SPATA13: variants seen among roughly 807,000 people sequenced by gnomAD.
The protein encoded by SPATA13 is spermatogenesis-associated protein 13.
In SPATA13, 50 loss-of-function variants were observed where a neutral mutation model predicts 104.0. That is an observed-to-expected ratio of 0.48 (90% CI 0.38 to 0.61). The LOEUF (loss-of-function observed/expected upper bound fraction) is 0.61, where lower values mean the gene tolerates loss of function less well. Among genes scored for constraint, SPATA13 ranks in the 20% least tolerant of loss-of-function variants. The pLI, the probability that SPATA13 is intolerant of heterozygous loss-of-function variation, is 0.00. For synonymous variants in SPATA13, 606 were observed against 667.5 expected (o/e 0.91, Z 1.42); for missense variants, 1,524 against 1,690.6 (o/e 0.90, Z 1.73).
At chr13:24,152,891 G>A (rs1882139576) in intron 3 of SPATA13, among the ~76,000 whole-genome samples, 1 of 152,180 alleles carries the variant, frequency 6.6e-6, no homozygotes, top group Admixed American at 6.5e-5. Context: ...CTCAAATGAT[G>A]ATTATTTCTT....
intron 3 of SPATA13, among the ~76,000 whole-genome samples, chr13:24,035,186 C>G (rs1446234936): frequency 2.6e-5 from 4 of 152,196 alleles, no homozygotes; most frequent in African/African-American, 2.4e-5. Context: ...GACAGTCTCA[C>G]TCTTGTCGCC....
chr13:24,061,747 C>T (rs1878779098), intron 3 of SPATA13, among the ~76,000 whole-genome samples: 1 of 151,778 alleles, frequency 6.6e-6, no homozygotes, highest in Admixed American at 6.6e-5. Flanking sequence ...GGGAGAATCA[C>T]AGAAAAAAAT....
chr13:24,114,266 A>G (rs1452345488), intron 3 of SPATA13, among the ~76,000 whole-genome samples: 1 of 151,736 alleles, frequency 6.6e-6, no homozygotes, highest in Non-Finnish European at 1.5e-5. Context: ...GGTCTGTCCA[A>G]TCAGATTGTG....
At chr13:24,235,421 A>G (rs1186489431) in intron 2 of SPATA13, among the ~76,000 whole-genome samples, 1 of 152,188 alleles carries the variant, frequency 6.6e-6, no homozygotes, top group Non-Finnish European at 1.5e-5. Flanking sequence ...CCGGAAAGAG[A>G]GAAAGATTGC....
chr13:24,157,071 G>A (rs1882275218), upstream of SPATA13, among the ~76,000 whole-genome samples: 1 of 152,198 alleles, frequency 6.6e-6, no homozygotes, highest in Non-Finnish European at 1.5e-5. Context: ...CTTTGCCTCT[G>A]CTTCCCTAAC....
intron 3 of SPATA13, among the ~76,000 whole-genome samples, chr13:24,126,299 AAC>A (rs1881214539): frequency 6.6e-6 from 1 of 152,068 alleles, no homozygotes; most frequent in South Asian, 2.1e-4. Context: ...AGGCCAATGA[AAC>A]AGTTTTTCAC....
chr13:24,245,217 A>G (rs755753135), intron 2 of SPATA13, among the ~76,000 whole-genome samples: 1 of 152,142 alleles, frequency 6.6e-6, no homozygotes, highest in Non-Finnish European at 1.5e-5. Context: ...TCCAAGTAGA[A>G]TCGCAACCAA....
chr13:24,278,198 A>C (rs1307889252), intron 4 of SPATA13, among the ~76,000 whole-genome samples: 1 of 152,182 alleles, frequency 6.6e-6, no homozygotes, highest in East Asian at 1.9e-4. Context: ...TCTTATTACA[A>C]GTAACAGCTA....
intron 4 of SPATA13, among the ~76,000 whole-genome samples, chr13:24,281,915 T>C (rs541927494): frequency 6.6e-6 from 1 of 152,284 alleles, no homozygotes; most frequent in South Asian, 2.1e-4. Context: ...GAGCTTGAAC[T>C]CCTCCTCATC....
chr13:24,082,839 A>C (rs1254482083), intron 3 of SPATA13, among the ~76,000 whole-genome samples: 1 of 150,462 alleles, frequency 6.6e-6, no homozygotes, highest in Non-Finnish European at 1.5e-5. Flanking sequence ...AAAAAAAAAA[A>C]AAAAAAAAAA....
chr13:24,155,693 A>G (rs549041290), intron 3 of SPATA13, among the ~76,000 whole-genome samples: 2 of 152,350 alleles, frequency 1.3e-5, no homozygotes, highest in African/African-American at 4.8e-5. Context: ...TAAAATACAC[A>G]TAAGACTTAC....
chr13:24,276,158 G>C (rs1421043037), intron 4 of SPATA13, among the ~76,000 whole-genome samples: 1 of 152,178 alleles, frequency 6.6e-6, no homozygotes. Context: ...CAAAAAGATA[G>C]TAGCACATTA....
chr13:24,212,201 C>T (rs114828277), intron 1 of SPATA13, among the ~76,000 whole-genome samples: 1,561 of 151,752 alleles, frequency 0.01, 27 homozygotes, highest in African/African-American at 0.035. Context: ...TTGCTTGAGG[C>T]CAGGAGTTCA....
At chr13:24,269,206 C>T (rs1193638290) in intron 4 of SPATA13, among the ~76,000 whole-genome samples, 1 of 152,176 alleles carries the variant, frequency 6.6e-6, no homozygotes, top group Non-Finnish European at 1.5e-5. Context: ...GTTATCCCCA[C>T]TCCGCAGATG....
chr13:24,228,365 T>C (rs1249745818), intron 2 of SPATA13, among the ~76,000 whole-genome samples: 2 of 151,918 alleles, frequency 1.3e-5, no homozygotes, highest in African/African-American at 4.8e-5. Context: ...TCTGCCTGCC[T>C]CAGCTTCCCA....
chr13:24,158,604 G>C (rs559905526), upstream of SPATA13, among the ~76,000 whole-genome samples: 1 of 152,290 alleles, frequency 6.6e-6, no homozygotes, highest in East Asian at 1.9e-4. Flanking sequence ...TTTGTAATCT[G>C]AACCCAGACA....
intron 3 of SPATA13, among the ~76,000 whole-genome samples, chr13:24,111,169 C>T (rs1419938817): frequency 2.0e-5 from 3 of 151,834 alleles, no homozygotes; most frequent in Non-Finnish European, 4.4e-5. Flanking sequence ...CTTGACCTCC[C>T]AAAGAGGCCA....
At position 24,255,808 on chromosome 13, in the gene SPATA13, T is replaced by A. The variant is rs560591422; in HGVS notation, c.2164+3946T>A. Among the ~76,000 whole-genome samples the A allele has an allele frequency of 1.4e-3, 212 of 152,320 alleles. 2 individuals carry two copies. Among genetic ancestry groups the A allele is most frequent in the African/African-American group, 5.0e-3 (208 of 41,564 alleles). On this transcript the variant is annotated intron_variant, in intron 4 of 12. Transcript: ENST00000382108. ...TTTATATACCAACGAAGTGCTAGAA[T>A]GGCATCCAGCTCAGTAAGCCCACAA... is the stretch of plus-strand genomic sequence containing the variant.
intron 3 of SPATA13, among the ~76,000 whole-genome samples, chr13:24,096,779 A>G (rs992904405): frequency 6.6e-6 from 1 of 152,024 alleles, no homozygotes; most frequent in African/African-American, 2.4e-5. Context: ...TGCAGAAGAG[A>G]GCTCAGTGGG....
Sources: allele counts gnomAD v4.1 joint callset (sites outside exome capture counted in the v4.1 genomes callset), GRCh38; gene constraint gnomAD v4.1.1; transcripts MANE v1.5; gene names NCBI Gene and HGNC (gene_info 2026-07-23, HGNC 2026-07-21).